Variants in TELO2 observed in about 807,000 individuals in gnomAD.
TELO2 encodes telomere maintenance 2, also known as telomere length regulation protein TEL2 homolog.
Under a neutral mutation model 91.0 loss-of-function variants are expected in TELO2, and 71 were observed. The observed-to-expected ratio is 0.78, with a 90% CI of 0.64 to 0.95. The LOEUF (loss-of-function observed/expected upper bound fraction) is 0.95. TELO2 is among the 40% of genes least tolerant of loss of function. The pLI is 0.00. For missense variants in TELO2, 1,183 were observed against 1,141.3 expected, an observed-to-expected ratio of 1.04 and a Z score of -0.53; for synonymous variants, 584 against 518.9, an observed-to-expected ratio of 1.13 and a Z score of -1.71.
At chr16:1,495,128 T>C (rs1263359287) in intron 2 of TELO2, among the ~76,000 whole-genome samples, 12 of 152,306 alleles carry the variant, frequency 7.9e-5, no homozygotes, top group Admixed American at 7.8e-4. Flanking sequence ...AGACTCCAGG[T>C]TGGGGAAGCC....
intron 5 of TELO2, 138 bp from the exon 6 acceptor site, chr16:1,499,093 G>C: frequency 2.5e-6 from 2 of 800,922 alleles, no homozygotes; most frequent in South Asian, 3.1e-5. Context: ...GGCAGTCGGA[G>C]GATGGAACCA....
At position 1,509,969 on chromosome 16, in the gene TELO2, G is replaced by A. The variant is rs780730419; in HGVS notation, c.*33G>A. The A allele has an allele frequency of 9.1e-6, 14 of 1,546,664 alleles. No individual in the cohort carries two copies. Among genetic ancestry groups the A allele is most frequent in the East Asian group, 7.2e-5 (3 of 41,522 alleles). ...AGGCCTCCCCAGGACCACCCTCGCC[G>A]ACAGCAAGGCAGGCGGCTGAGCAGC... On this transcript the variant is annotated 3_prime_UTR_variant, in exon 21 of 21. Transcript: ENST00000262319.
intron 5 of TELO2, among the ~76,000 whole-genome samples, chr16:1,498,103 C>G (rs2039557873): frequency 1.3e-5 from 2 of 151,746 alleles, no homozygotes; most frequent in South Asian, 4.2e-4. Flanking sequence ...CAACCTCCGT[C>G]TCCTGGGTTC....
rs1428435780 is a variant in TELO2, at chr16:1,494,319, G to A, written c.38G>A (p.Arg13Gln). The A allele has an allele frequency of 5.6e-6, 9 of 1,613,446 alleles. No homozygotes were observed. The highest frequency in any genetic ancestry group is 3.3e-4 in the Middle Eastern group (2 of 6,062). The change falls in exon 2 of 21, where the codon CGG becomes CAG. Residue 13 changes from arginine (R) to glutamine (Q), a missense_variant. By Grantham distance (43) the Arg-to-Gln change is conservative (BLOSUM62 1). Transcript: ENST00000262319. The surrounding 1 kb of genome is among the most constrained non-coding windows in gnomAD (Gnocchi z 5.6). ...CCCTCAGAGGTTCGACTCGCCGTCC[G>A]GGAAGCCATTCATGCCCTCTCGTCT... is the stretch of plus-strand genomic sequence containing the variant. The part of the protein sequence containing the change: ...PAPSEVRLAV[R>Q]EAIHALSSSE...
rs1422369870 is a variant in TELO2 at position 1,502,740 on chromosome 16, C to CA, written c.1750dup (p.Thr584AsnfsTer42). 1 of 1,612,238 alleles carries CA rather than the reference C, an allele frequency of 6.2e-7. No homozygotes were observed. The highest frequency in any genetic ancestry group is 8.5e-7 in the Non-Finnish European group (1 of 1,179,854). On this transcript the variant is annotated frameshift_variant, in exon 14 of 21. Transcript: ENST00000262319. LOFTEE classifies it high-confidence loss of function. ...TGCGCCAGAGAGCCCTGGTGGCCGT[C>CA]ACGGTCACAGACCCGGCCCCGGTGA... is the stretch of plus-strand genomic sequence containing the variant.
At chr16:1,507,227 G>C (rs757996178) in intron 18 of TELO2, 79 bp from the exon 19 acceptor site, 2 of 1,565,134 alleles carry the variant, frequency 1.3e-6, no homozygotes, top group Non-Finnish European at 1.7e-6. Context: ...CTGCTGCCCA[G>C]CAGCGGAAGC....
Position 1,497,604 on chromosome 16 carries a change from C to G in TELO2, c.830+96C>G, listed in dbSNP as rs2039541209. On this transcript the variant is annotated intron_variant, in intron 5 of 20. Transcript: ENST00000262319. The surrounding 1 kb of genome is among the most constrained non-coding windows in gnomAD (Gnocchi z 4.0). ...CACGCTACTTCTCCTGGGCGCCGTG[C>G]TGCAGCTGGCACCCCCATGTAGGTG... 7.0e-7 allele frequency: 1 copy of G among 1,437,920 alleles called. No homozygotes were observed. Among genetic ancestry groups the G allele is most frequent in the African/African-American group, 1.4e-5 (1 of 70,362 alleles). The allele number at this position is 1,437,920 out of a possible 1,614,324, so 89.1% of individuals were successfully genotyped here. A position where few individuals can be genotyped will look rare whatever the true frequency, so the allele number is the denominator to read the frequency against.
rs772830050 is a variant in TELO2 at position 1,510,423 on chromosome 16, G to A, written c.*487G>A. 9.4e-5 allele frequency: 21 copies of A among 223,044 alleles called. No homozygotes were observed. Among genetic ancestry groups the A allele is most frequent in the Middle Eastern group, 1.8e-3 (1 of 562 alleles). 13.8% of individuals were successfully genotyped at this position (223,044 alleles called of 1,614,324 possible). A position where few individuals can be genotyped will look rare whatever the true frequency, so the allele number is the denominator to read the frequency against. On this transcript the variant is annotated 3_prime_UTR_variant, in exon 21 of 21. Transcript: ENST00000262319. ...CGTGGGGCGGGATGGGACAGGGCAC[G>A]GGCTCTCAGAAAATAAACTGCTTTA...
Position 1,495,591 on chromosome 16 carries a change from G to A in TELO2, c.581G>A (p.Arg194Gln), listed in dbSNP as rs1345931692. The A allele has an allele frequency of 5.6e-6, 9 of 1,605,934 alleles. No individual in the cohort carries two copies. Among genetic ancestry groups the A allele is most frequent in the Non-Finnish European group, 6.8e-6 (8 of 1,175,392 alleles). ...YFRLLGEEVV[R>Q]VLQAVVDSLQ... Reference sequence around the variant, plus strand: ...CGCCTGCTCGGCGAGGAGGTCGTCCGGGTGCTGCAGGCGGTTGTGGACTCT... The same window carrying A: ...CGCCTGCTCGGCGAGGAGGTCGTCCAGGTGCTGCAGGCGGTTGTGGACTCT... Residue 194 changes from arginine (R) to glutamine (Q), a missense_variant, in exon 3 of 21, where the codon CGG (arginine) becomes CAG (glutamine). Physicochemically the swap from Arg to Gln is conservative, Grantham distance 43 (BLOSUM62 1). Coordinates refer to ENST00000262319, the MANE Select transcript of TELO2 (RefSeq NM_016111.4).
In TELO2 at chr16:1,494,406, T is replaced by TGGA. The variant is rs779039304; in HGVS notation, c.127_129dup (p.Glu43dup). On this transcript the variant is annotated inframe_insertion, in exon 2 of 21. Transcript: ENST00000262319. The surrounding 1 kb of genome is among the most constrained non-coding windows in gnomAD (Gnocchi z 5.6). ...TCCCTGAAGCGGTATCTCGGTGAGA[T>TGGA]GGAGCCTCCAGCGCTCCCGAGGGAG... The TGGA allele has an allele frequency of 1.2e-6, 2 of 1,612,830 alleles. No homozygotes were observed. The highest frequency in any genetic ancestry group is 2.7e-5 in the African/African-American group (2 of 74,660).
At position 1,499,257 on chromosome 16, in the gene TELO2, G is replaced by T; in HGVS notation, c.857G>T (p.Gly286Val). 1 of 1,614,052 alleles carries T rather than the reference G, an allele frequency of 6.2e-7. No homozygotes were observed. Residue 286 changes from glycine (G) to valine (V), a missense_variant, in exon 6 of 21, where the codon GGG becomes GTG. By Grantham distance (109) the Gly-to-Val change is moderately radical (BLOSUM62 -3). Coordinates refer to ENST00000262319, the MANE Select transcript of TELO2 (RefSeq NM_016111.4). ...CCTGAGGTCCTTTCGAGACTGCTGG[G>T]GAACCTGGTGGTGAAGAACAAGAAG... is the stretch of plus-strand genomic sequence containing the variant. ...LGPEVLSRLL[G>V]NLVVKNKKAQ...
chr16:1,495,248 G>A (rs2039436193), intron 2 of TELO2, 98 bp from the exon 3 acceptor site: 3 of 1,442,328 alleles, frequency 2.1e-6, no homozygotes, highest in Non-Finnish European at 2.8e-6. Context: ...TATGTTGTTG[G>A]GGCTGCCCGT....
Position 1,497,450 on chromosome 16 carries a change from C to G in TELO2, c.772C>G (p.Gln258Glu), listed in dbSNP as rs753522284. 3 of 1,570,748 alleles carry G rather than the reference C, an allele frequency of 1.9e-6. No individual in the cohort carries two copies. The highest frequency in any genetic ancestry group is 1.7e-6 in the Non-Finnish European group (2 of 1,159,526). ...HQRVCWRLVE[Q>E]VPDRAMEAVL... ...GCGCGTCTGCTGGCGCCTGGTGGAG[C>G]AAGTGCCGGACCGGGCCATGGAGGC... Residue 258 changes from glutamine to glutamate, a missense_variant, in exon 5 of 21, where the codon CAA becomes GAA. By Grantham distance (29) the Gln-to-Glu change is conservative. Transcript: ENST00000262319. The surrounding 1 kb of genome is among the most constrained non-coding windows in gnomAD (Gnocchi z 4.0).
rs535308904 is a variant in TELO2 at position 1,502,594 on chromosome 16, C to G, written c.1654-51C>G. On this transcript the variant is annotated intron_variant, in intron 13 of 20. Transcript: ENST00000262319. Reference sequence around the variant, plus strand: ...GGCCCTGTGAGCCTCGGTGAGGCCTCGGCGGGCAGCTGGGTCCGACAGGTT... The same window carrying G: ...GGCCCTGTGAGCCTCGGTGAGGCCTGGGCGGGCAGCTGGGTCCGACAGGTT... 5 of 1,586,246 alleles carry G rather than the reference C, an allele frequency of 3.2e-6. No homozygotes were observed. In the African/African-American group the frequency reaches 5.4e-5, roughly 17 times the overall value.
rs759343790 is a variant in TELO2 at position 1,500,409 on chromosome 16, G to T, written c.1065G>T (p.Pro355=). The T allele has an allele frequency of 1.2e-6, 2 of 1,603,692 alleles. No homozygotes were observed. Among genetic ancestry groups the T allele is most frequent in the East Asian group, 2.2e-5 (1 of 44,464 alleles). Residue 355 remains proline, a synonymous_variant, in exon 8 of 21, where the codon CCG becomes CCT. Coordinates refer to ENST00000262319, the MANE Select transcript of TELO2 (RefSeq NM_016111.4). ...GTGCCATCCGCCACACTCCCCTGCC[G>T]CAGCAGCGCCACGTCAGCAAGGCTG... is the stretch of plus-strand genomic sequence containing the variant. ...SSSAIRHTPL[P]QQRHVSKAVL... is the part of the protein sequence containing the mutation.
chr16:1,506,306 C>T lies in TELO2; in HGVS notation c.2103C>T (p.Phe701=), dbSNP rs887573843. The T allele has an allele frequency of 1.2e-5, 19 of 1,613,990 alleles. No individual in the cohort carries two copies. Among genetic ancestry groups the T allele is most frequent in the Non-Finnish European group, 1.6e-5 (19 of 1,180,018 alleles). The change falls in exon 17 of 21, where the codon TTC becomes TTT. Residue 701 remains phenylalanine, a synonymous_variant. Transcript: ENST00000262319. ...RFNSVAGHFF[F]PLLQRFDRPL... Reference sequence around the variant, plus strand: ...ACTCCGTGGCCGGCCACTTCTTCTTCCCCCTCCTTCAGCGCTTTGACAGGT... The same window carrying T: ...ACTCCGTGGCCGGCCACTTCTTCTTTCCCCTCCTTCAGCGCTTTGACAGGT...
rs1410199842 is a variant in TELO2 at position 1,494,063 on chromosome 16, G to T, written c.-36-183G>T. ...GCCCTGCAGTGGCTGGTAGCGTTGG[G>T]GTCCGAGCGGAGGAGCGAACTCTGG... On this transcript the variant is annotated intron_variant, in intron 1 of 20. Transcript: ENST00000262319. The surrounding 1 kb of genome is among the most constrained non-coding windows in gnomAD (Gnocchi z 5.6). Among the ~76,000 whole-genome samples the T allele has an allele frequency of 6.6e-6, 1 of 152,220 alleles. No individual in the cohort carries two copies. The highest frequency in any genetic ancestry group is 1.5e-5 in the Non-Finnish European group (1 of 68,022).
At chr16:1,508,873 C>T (rs1236673524) in intron 20 of TELO2, among the ~76,000 whole-genome samples, 2 of 152,190 alleles carry the variant, frequency 1.3e-5, no homozygotes, top group African/African-American at 2.4e-5. Flanking sequence ...TGTCTTCCCA[C>T]GGAGCAGCTG....
rs575589080 is a variant in TELO2, at chr16:1,506,676, C to T, written c.2127-276C>T. The T allele has an allele frequency of 2.8e-5, 38 of 1,370,806 alleles. No homozygotes were observed. In the African/African-American group the frequency reaches 4.3e-4, roughly 16 times the overall value. The allele number at this position is 1,370,806 out of a possible 1,614,324, so 84.9% of individuals were successfully genotyped here. On this transcript the variant is annotated intron_variant, in intron 17 of 20. Transcript: ENST00000262319. The stretch of plus-strand genomic sequence containing the variant: ...CCCCACGTTCAGGGCGTGAGGCTCT[C>T]GAGATGGCAGAGAAGTGTGGGGCCT...
Sources: allele counts gnomAD v4.1 joint callset (sites outside exome capture counted in the v4.1 genomes callset), GRCh38; gene constraint gnomAD v4.1.1; non-coding constraint Gnocchi (gnomAD v3.1); transcripts MANE v1.5; gene names NCBI Gene and HGNC (gene_info 2026-07-23, HGNC 2026-07-21).